Variants in POMT1 observed in about 807,000 individuals in gnomAD.
POMT1 encodes protein O-mannosyltransferase 1.
In POMT1, 85 loss-of-function variants were observed where a neutral mutation model predicts 101.6. The ratio of observed to expected loss-of-function variants is 0.84; its 90% CI spans 0.70 to 1.00. The LOEUF (loss-of-function observed/expected upper bound fraction) is 1.00. Among genes scored for constraint, POMT1 ranks in the 50% least tolerant of loss-of-function variants. POMT1 has a pLI of 0.00. For synonymous variants in POMT1, 371 were observed against 383.0 expected, an observed-to-expected ratio of 0.97 and a Z score of 0.37; for missense variants, 857 against 930.4, an observed-to-expected ratio of 0.92 and a Z score of 1.03.
At chr9:131,513,045 G>A (rs570585939) in intron 11 of POMT1, among the ~76,000 whole-genome samples, 194 bp from the exon 12 acceptor site, 1 of 152,366 alleles carries the variant, frequency 6.6e-6, no homozygotes, top group East Asian at 1.9e-4. Flanking sequence ...ATCACATTCG[G>A]AAAATGACCT....
At chr9:131,510,784 G>A (rs934164840) in intron 9 of POMT1, 4 of 353,290 alleles carry the variant, frequency 1.1e-5, no homozygotes, top group East Asian at 7.5e-5. Context: ...GGGATTATAG[G>A]CGTGAGCCAC....
chr9:131,509,645 G>A (rs1050231411), intron 6 of POMT1, 98 bp from the exon 7 acceptor site: 10 of 1,609,254 alleles, frequency 6.2e-6, no homozygotes, highest in Non-Finnish European at 8.5e-6. Context: ...ATGGCCAGCC[G>A]ACCCAGAAAG....
chr9:131,507,643 C>T (rs1030052540), intron 5 of POMT1, 129 bp downstream of exon 5: 3 of 1,336,774 alleles, frequency 2.2e-6, no homozygotes, highest in African/African-American at 2.9e-5. Flanking sequence ...AAATTTGACG[C>T]TGCAAGTCAC....
At position 131,508,992 on chromosome 9, in the gene POMT1, A is replaced by G; in HGVS notation, c.509A>G (p.Tyr170Cys). The G allele has an allele frequency of 6.2e-7, 1 of 1,613,452 alleles. No individual in the cohort carries two copies. Among genetic ancestry groups the G allele is most frequent in the Admixed American group, 1.7e-5 (1 of 60,018 alleles). ...IFFNLLAVLS[Y>C]LKFFNCQKHS... ...TTCAATCTATTGGCCGTGTTGTCCT[A>G]CCTGAAGTTCTTCAACTGCCAAAAG... is the stretch of plus-strand genomic sequence containing the variant. The change falls in exon 6 of 20, where the codon TAC (tyrosine) becomes TGC (cysteine). Residue 170 changes from tyrosine (Y) to cysteine (C), a missense_variant. Coordinates refer to ENST00000402686, the MANE Select transcript of POMT1 (RefSeq NM_001077365.2).
intron 13 of POMT1, among the ~76,000 whole-genome samples, chr9:131,517,485 C>T (rs183269687): frequency 6.6e-6 from 1 of 152,116 alleles, no homozygotes; most frequent in Admixed American, 6.5e-5. Flanking sequence ...GCTATGTTGT[C>T]CAGGCTGGTC....
chr9:131,521,924 G>A (rs1327291731), intron 18 of POMT1, 123 bp from the exon 19 acceptor site: 1 of 1,551,516 alleles, frequency 6.4e-7, no homozygotes, highest in Non-Finnish European at 8.7e-7. Flanking sequence ...GTCACCTGAG[G>A]CCAGGAGTTC....
At chr9:131,505,921 A>G (rs1945703428) in intron 2 of POMT1, among the ~76,000 whole-genome samples, 193 bp from the exon 3 acceptor site, 1 of 152,020 alleles carries the variant, frequency 6.6e-6, no homozygotes, top group South Asian at 2.1e-4. Context: ...TGAATTCCCC[A>G]TGTCTCTGTG....
rs373393733 is a variant in POMT1, at chr9:131,518,967, C to T, written c.1486+10C>T. ...CACCGATACGGCGCGAGTGAGTCCG[C>T]GGCGTGGCTTCCGCCGCTCCTGGAA... On this transcript the variant is annotated intron_variant, in intron 15 of 19. Transcript: ENST00000402686. 7.9e-5 allele frequency: 128 copies of T among 1,613,146 alleles called. No homozygotes were observed. The highest frequency in any genetic ancestry group is 1.7e-4 in the Middle Eastern group (1 of 6,014).
intron 13 of POMT1, 83 bp downstream of exon 13, chr9:131,515,605 T>C (rs1195380178): frequency 7.7e-7 from 1 of 1,295,858 alleles, no homozygotes; most frequent in East Asian, 2.3e-5. Flanking sequence ...CCCGGAGCAC[T>C]CCCTAACACA....
At chr9:131,517,543 C>T (rs11243407) in intron 13 of POMT1, among the ~76,000 whole-genome samples, 108,980 of 152,072 alleles carry the variant, frequency 0.72, 40,270 homozygotes, top group East Asian at 0.92. Flanking sequence ...CTCCCAGAGT[C>T]GCTGGGATGA....
Position 131,510,373 on chromosome 9 carries a change from C to T in POMT1, c.813C>T (p.Pro271=), listed in dbSNP as rs947520219. ...VHLILVFRSG[P]HDQIMSSAFQ... is the part of the protein sequence containing the mutation. ...TGATTCTAGTCTTCCGCTCTGGGCCCCACGACCAAATCATGTCCAGTGCCT... is the reference window on the plus strand; with the variant it reads ...TGATTCTAGTCTTCCGCTCTGGGCCTCACGACCAAATCATGTCCAGTGCCT... Residue 271 remains proline (P), a synonymous_variant, in exon 9 of 20, where the codon CCC becomes CCT. Transcript: ENST00000402686. The T allele has an allele frequency of 1.2e-6, 2 of 1,614,176 alleles. No individual in the cohort carries two copies. Among genetic ancestry groups the T allele is most frequent in the Non-Finnish European group, 1.7e-6 (2 of 1,180,028 alleles).
rs1478317343 is a variant in POMT1 at position 131,504,177 on chromosome 9, C to T, written c.-30-12C>T. On this transcript the variant is annotated splice_polypyrimidine_tract_variant and intron_variant, in intron 1 of 19. Transcript: ENST00000402686. ...AGCCCTCATGGACCACGGCTCCTCC[C>T]TTCTTTTCTAGGGCGTCTGCCTGAG... The T allele has an allele frequency of 1.9e-6, 3 of 1,613,776 alleles. No individual in the cohort carries two copies. The highest frequency in any genetic ancestry group is 2.5e-6 in the Non-Finnish European group (3 of 1,179,886).
Position 131,523,333 on chromosome 9 carries a change from A to C in POMT1, c.*227A>C. ...GACAATAAAGATATTCCGTGTCTTT[A>C]CCCCTGAACTAAGACACAGGGAGTA... On this transcript the variant is annotated 3_prime_UTR_variant, in exon 20 of 20. Transcript: ENST00000402686. The C allele has an allele frequency of 1.8e-6, 1 of 568,646 alleles. No homozygotes were observed. Among genetic ancestry groups the C allele is most frequent in the East Asian group, 3.2e-5 (1 of 31,596 alleles). 35.2% of individuals were successfully genotyped at this position (568,646 alleles called of 1,614,324 possible).
Position 131,515,607 on chromosome 9 carries a change from C to G in POMT1, c.1272+85C>G, listed in dbSNP as rs917541708. ...GAGCACTTCCTCACCCGGAGCACTC[C>G]CTAACACAGAGCACTTCCTAACAGA... On this transcript the variant is annotated intron_variant, in intron 13 of 19. Transcript: ENST00000402686. 2.7e-5 allele frequency: 34 copies of G among 1,265,500 alleles called. 1 individual carries two copies. The highest frequency in any genetic ancestry group is 2.1e-4 in the East Asian group (9 of 42,676). The allele number at this position is 1,265,500 out of a possible 1,614,324, so 78.4% of individuals were successfully genotyped here. A position where few individuals can be genotyped will look rare whatever the true frequency, so the allele number is the denominator to read the frequency against.
At chr9:131,521,300 C>G (rs1428689562) in intron 17 of POMT1, 46 bp from the exon 18 acceptor site, 4 of 1,613,496 alleles carry the variant, frequency 2.5e-6, no homozygotes, top group Non-Finnish European at 3.4e-6. Flanking sequence ...TCTTCCCTCC[C>G]TGAGCAGAGG....
intron 12 of POMT1, among the ~76,000 whole-genome samples, chr9:131,514,387 C>T (rs1047756980): frequency 3.3e-5 from 5 of 152,244 alleles, no homozygotes; most frequent in African/African-American, 7.2e-5. Context: ...GCTCCCTCTG[C>T]GAGAATGTTC....
intron 2 of POMT1, 80 bp from the exon 3 acceptor site, chr9:131,506,034 A>G: frequency 6.3e-7 from 1 of 1,583,120 alleles, no homozygotes; most frequent in Non-Finnish European, 8.6e-7. Flanking sequence ...TTGGAAACAC[A>G]TACACATTTA....
At position 131,523,196 on chromosome 9, in the gene POMT1, A is replaced by T; in HGVS notation, c.*90A>T. ...GTACGTAATGAGCAGGGTGGGCCCC[A>T]CGCTGGGAGGACACGGGCTGGGCTG... On this transcript the variant is annotated 3_prime_UTR_variant, in exon 20 of 20. Coordinates refer to ENST00000402686, the MANE Select transcript of POMT1 (RefSeq NM_001077365.2). The T allele has an allele frequency of 6.7e-7, 1 of 1,500,310 alleles. No homozygotes were observed. Among genetic ancestry groups the T allele is most frequent in the South Asian group, 1.2e-5 (1 of 84,778 alleles). The allele number at this position is 1,500,310 out of a possible 1,614,324, so 92.9% of individuals were successfully genotyped here.
At chr9:131,508,073 G>A (rs767960507) in intron 5 of POMT1, among the ~76,000 whole-genome samples, 2 of 150,272 alleles carry the variant, frequency 1.3e-5, no homozygotes, top group South Asian at 2.1e-4. Context: ...TAAAAATAAC[G>A]AAAAATACAA....
Sources: allele counts gnomAD v4.1 joint callset (sites outside exome capture counted in the v4.1 genomes callset), GRCh38; gene constraint gnomAD v4.1.1; transcripts MANE v1.5; gene names NCBI Gene and HGNC (gene_info 2026-07-23, HGNC 2026-07-21).